OSBPL9: variants seen among roughly 807,000 people sequenced by gnomAD.
The protein encoded by OSBPL9 is oxysterol-binding protein-related protein 9.
Under a neutral mutation model 106.6 loss-of-function variants are expected in OSBPL9, and 40 were observed. The observed-to-expected ratio is 0.38, with a 90% confidence interval of 0.29 to 0.49. The LOEUF is 0.49. Ranked by LOEUF, OSBPL9 falls within the 20% of genes least tolerant of loss-of-function variation. The pLI is 0.97. For synonymous variants in OSBPL9, 269 were observed against 295.4 expected, an observed-to-expected ratio of 0.91 and a Z score of 0.92; for missense variants, 609 against 887.2, an observed-to-expected ratio of 0.69 and a Z score of 3.98.
chr1:51,675,779 G>GAATTT (rs1288871112), intron 3 of OSBPL9, among the ~76,000 whole-genome samples: 1 of 152,036 alleles, frequency 6.6e-6, no homozygotes, highest in African/African-American at 2.4e-5. Context: ...CTAATTATTT[G>GAATTT]AATTTTACCT....
the OSBPL9 span, among the ~76,000 whole-genome samples, chr1:51,570,257 G>A: frequency 4.6e-5 from 7 of 152,134 alleles, no homozygotes; most frequent in African/African-American, 7.2e-5. Context: ...ACACTTACTC[G>A]TTACCAATGT....
chr1:51,525,620 A>C, the OSBPL9 span, among the ~76,000 whole-genome samples: 1,439 of 152,222 alleles, frequency 9.5e-3, 25 homozygotes, highest in African/African-American at 0.033. Context: ...TCCAATATAT[A>C]TCCAAGATCC....
At chr1:51,561,476 C>G in the OSBPL9 span, 2 of 152,054 alleles carry the variant, frequency 1.3e-5, no homozygotes, top group Non-Finnish European at 2.9e-5. Context: ...TTCAGATTCA[C>G]TGATTCTAGG....
chr1:51,559,784 G>T, the OSBPL9 span, among the ~76,000 whole-genome samples: 2 of 152,024 alleles, frequency 1.3e-5, no homozygotes, highest in Admixed American at 6.6e-5. Flanking sequence ...GAAATAATCA[G>T]ATTAGGCATA....
At chr1:51,637,361 A>C (rs144997291) in intron 1 of OSBPL9, among the ~76,000 whole-genome samples, 1,809 of 152,212 alleles carry the variant, frequency 0.012, 37 homozygotes, top group African/African-American at 0.042. Context: ...TTGGTGGCGC[A>C]TGCCTTTAAT....
At chr1:51,660,346 A>G (rs1278796174) in intron 2 of OSBPL9, among the ~76,000 whole-genome samples, 1 of 152,206 alleles carries the variant, frequency 6.6e-6, no homozygotes, top group Non-Finnish European at 1.5e-5. Context: ...AAGATACCAC[A>G]GTCAAAGGGA....
intron 3 of OSBPL9, among the ~76,000 whole-genome samples, chr1:51,674,963 G>T (rs1326535163): frequency 6.6e-6 from 1 of 152,186 alleles, no homozygotes; most frequent in Non-Finnish European, 1.5e-5. Context: ...TATTTGTATT[G>T]GGCTGCATTC....
chr1:51,767,829 G>T (rs945670629), intron 12 of OSBPL9, among the ~76,000 whole-genome samples: 1 of 151,674 alleles, frequency 6.6e-6, no homozygotes, highest in African/African-American at 2.4e-5. Context: ...TATAATAATG[G>T]GGTTAAAAGA....
chr1:51,643,646 T>C (rs1393763012), intron 1 of OSBPL9, among the ~76,000 whole-genome samples: 1 of 152,138 alleles, frequency 6.6e-6, no homozygotes, highest in Admixed American at 6.6e-5. Flanking sequence ...TGTAGAGCCA[T>C]GAAGTACTTT....
intron 1 of OSBPL9, among the ~76,000 whole-genome samples, chr1:51,618,057 G>A (rs1448340467): frequency 6.6e-6 from 1 of 150,948 alleles, no homozygotes; most frequent in Non-Finnish European, 1.5e-5. Context: ...TCGCCCTGTT[G>A]CCCAGGCTGG....
At chr1:51,563,848 C>G in the OSBPL9 span, 1 of 151,948 alleles carries the variant, frequency 6.6e-6, no homozygotes, top group Non-Finnish European at 1.5e-5. Context: ...TGGAGGCCAA[C>G]GTGGGAGGAC....
At chr1:51,621,886 A>C (rs1644458378) in intron 1 of OSBPL9, among the ~76,000 whole-genome samples, 1 of 152,228 alleles carries the variant, frequency 6.6e-6, no homozygotes, top group Non-Finnish European at 1.5e-5. Flanking sequence ...ATTTGAGCTG[A>C]AAGCTTAATC....
intron 1 of OSBPL9, among the ~76,000 whole-genome samples, chr1:51,594,476 A>G (rs1465843498): frequency 1.3e-5 from 2 of 152,130 alleles, no homozygotes; most frequent in African/African-American, 2.4e-5. Flanking sequence ...ATCACAATCA[A>G]TGACCCCCTT....
intron 3 of OSBPL9, among the ~76,000 whole-genome samples, chr1:51,692,793 A>G (rs1169655576): frequency 6.6e-6 from 1 of 151,028 alleles, no homozygotes; most frequent in African/African-American, 2.4e-5. Flanking sequence ...TCCCAAAGTG[A>G]TGGGATTACA....
intron 1 of OSBPL9, among the ~76,000 whole-genome samples, chr1:51,647,428 A>C (rs978306851): frequency 6.6e-6 from 1 of 152,148 alleles, no homozygotes; most frequent in African/African-American, 2.4e-5. Flanking sequence ...CTAGCTTTAT[A>C]GAAAAAATTG....
chr1:51,674,298 G>A (rs1479096552), intron 3 of OSBPL9, among the ~76,000 whole-genome samples: 1 of 151,872 alleles, frequency 6.6e-6, no homozygotes, highest in Non-Finnish European at 1.5e-5. Flanking sequence ...TTATATGTGT[G>A]TATGTTTAAT....
At chr1:51,707,104 T>C in intron 3 of OSBPL9, 1 of 302,054 alleles carries the variant, frequency 3.3e-6, no homozygotes, top group Non-Finnish European at 6.9e-6. Flanking sequence ...CTTTAGTTAG[T>C]GCTCTTGCTG....
intron 15 of OSBPL9, 110 bp from the exon 16 acceptor site, chr1:51,781,054 A>T: frequency 1.1e-6 from 1 of 870,036 alleles, no homozygotes; most frequent in Non-Finnish European, 1.8e-6. Context: ...TCCTGGTCCT[A>T]GGTCCTCAGT....
chr1:51,540,776 T>C, the OSBPL9 span, among the ~76,000 whole-genome samples: 1 of 151,654 alleles, frequency 6.6e-6, no homozygotes, highest in Non-Finnish European at 1.5e-5. Flanking sequence ...CTGGCCAACA[T>C]GGTGAAACCC....
Sources: allele counts gnomAD v4.1 joint callset (sites outside exome capture counted in the v4.1 genomes callset), GRCh38; gene constraint gnomAD v4.1.1; transcripts MANE v1.5; gene names NCBI Gene and HGNC (gene_info 2026-07-23, HGNC 2026-07-21).